Variants in TEKT5 observed in about 807,000 individuals in gnomAD.
The protein encoded by TEKT5 is tektin-5.
A neutral mutation model predicts 48.7 loss-of-function variants in TEKT5; 52 were observed. The observed-to-expected ratio is 1.07, with a 90% CI of 0.86 to 1.35. The LOEUF (loss-of-function observed/expected upper bound fraction) is 1.35. Among genes scored for constraint, TEKT5 ranks in the 40% most tolerant of loss-of-function variants. TEKT5 has a pLI of 0.00. For missense variants in TEKT5, 831 were observed against 641.6 expected, an observed-to-expected ratio of 1.30 and a Z score of -3.19; for synonymous variants, 318 against 267.6, an observed-to-expected ratio of 1.19 and a Z score of -1.84.
At chr16:10,689,894 C>G (rs370517764) in intron 2 of TEKT5, 48 bp downstream of exon 2, 20 of 1,593,430 alleles carry the variant, frequency 1.3e-5, no homozygotes, top group Middle Eastern at 1.7e-4. Flanking sequence ...GACCTGCTGG[C>G]CTTCCCGCCT....
At chr16:10,673,707 G>GGCT (rs2142298909) in intron 5 of TEKT5, among the ~76,000 whole-genome samples, 1 of 146,906 alleles carries the variant, frequency 6.8e-6, no homozygotes, top group Admixed American at 6.9e-5. Flanking sequence ...CTGGAGTGCA[G>GGCT]TGGTGAGATC....
chr16:10,650,746 G>C (rs1022966385), intron 5 of TEKT5, among the ~76,000 whole-genome samples: 8 of 152,030 alleles, frequency 5.3e-5, no homozygotes, highest in Non-Finnish European at 1.2e-4. Context: ...TCAGCCAGGC[G>C]TGGTGGTGTG....
intron 6 of TEKT5, among the ~76,000 whole-genome samples, chr16:10,634,519 T>C (rs1313662158): frequency 6.6e-6 from 1 of 152,166 alleles, no homozygotes; most frequent in Admixed American, 6.5e-5. Flanking sequence ...CCGGAAACCC[T>C]GTTAGTGCCC....
At chr16:10,653,378 G>A (rs12924612) in intron 5 of TEKT5, among the ~76,000 whole-genome samples, 8,286 of 152,302 alleles carry the variant, frequency 0.054, 349 homozygotes, top group East Asian at 0.19. Flanking sequence ...AGGCAAGACT[G>A]GGGAGCAGGA....
chr16:10,637,185 C>T (rs781564623), intron 5 of TEKT5, among the ~76,000 whole-genome samples: 2 of 151,546 alleles, frequency 1.3e-5, no homozygotes, highest in Admixed American at 6.6e-5. Flanking sequence ...GGGGTTTCAC[C>T]GTGTTACCCA....
intron 1 of TEKT5, 122 bp downstream of exon 1, chr16:10,694,188 A>G: frequency 2.3e-6 from 2 of 855,814 alleles, no homozygotes; most frequent in Non-Finnish European, 3.6e-6. Flanking sequence ...ATCGTATTCG[A>G]TGATGCAGCT....
intron 5 of TEKT5, among the ~76,000 whole-genome samples, chr16:10,636,434 G>A (rs1897914746): frequency 6.6e-6 from 1 of 151,704 alleles, no homozygotes; most frequent in Non-Finnish European, 1.5e-5. Flanking sequence ...TCTTGTCACC[G>A]GGGCACTGTG....
intron 5 of TEKT5, among the ~76,000 whole-genome samples, chr16:10,658,257 C>T (rs778490938): frequency 3.3e-5 from 5 of 152,124 alleles, no homozygotes; most frequent in Non-Finnish European, 5.9e-5. Flanking sequence ...CCAGGGATTC[C>T]GTTCCTGGGA....
chr16:10,628,128 G>T (rs1647339664), intron 6 of TEKT5, among the ~76,000 whole-genome samples: 2 of 152,136 alleles, frequency 1.3e-5, no homozygotes, highest in African/African-American at 4.8e-5. Context: ...TTACAAGCAT[G>T]AGCTATGGTG....
chr16:10,664,855 G>C (rs755863752), intron 5 of TEKT5, among the ~76,000 whole-genome samples: 6 of 152,128 alleles, frequency 3.9e-5, no homozygotes, highest in Admixed American at 3.9e-4. Flanking sequence ...CCATAGCTTT[G>C]TACTATTTTT....
chr16:10,640,661 T>C (rs1416143482), intron 5 of TEKT5, among the ~76,000 whole-genome samples: 1 of 152,190 alleles, frequency 6.6e-6, no homozygotes, highest in African/African-American at 2.4e-5. Flanking sequence ...TGATCATAGA[T>C]AAACACTTCT....
chr16:10,644,248 G>A (rs1319596720), intron 5 of TEKT5, among the ~76,000 whole-genome samples: 1 of 152,124 alleles, frequency 6.6e-6, no homozygotes, highest in African/African-American at 2.4e-5. Flanking sequence ...GTGAGAAAGT[G>A]AGTCAGTGAC....
intron 5 of TEKT5, among the ~76,000 whole-genome samples, chr16:10,654,933 T>A (rs865870726): frequency 6.1e-5 from 3 of 49,158 alleles, no homozygotes; most frequent in Admixed American, 2.4e-4. Flanking sequence ...CTCCCCCCCC[T>A]CCCCTCCCCC....
At chr16:10,644,889 G>T (rs1268084838) in intron 5 of TEKT5, among the ~76,000 whole-genome samples, 2 of 152,318 alleles carry the variant, frequency 1.3e-5, no homozygotes, top group African/African-American at 4.8e-5. Context: ...ATCTGTCCCA[G>T]TGTGCTGGAG....
intron 3 of TEKT5, among the ~76,000 whole-genome samples, chr16:10,682,690 T>C (rs1898778338): frequency 6.6e-6 from 1 of 152,200 alleles, no homozygotes; most frequent in African/African-American, 2.4e-5. Context: ...TGATAAATAA[T>C]TTAGGCTTTG....
chr16:10,651,627 C>G (rs1437542473), intron 5 of TEKT5, among the ~76,000 whole-genome samples: 1 of 152,198 alleles, frequency 6.6e-6, no homozygotes, highest in Non-Finnish European at 1.5e-5. Flanking sequence ...CACTGGCTCC[C>G]TGGATGGATA....
chr16:10,630,893 G>A (rs916701776), intron 6 of TEKT5, among the ~76,000 whole-genome samples: 2 of 151,606 alleles, frequency 1.3e-5, no homozygotes, highest in African/African-American at 2.4e-5. Context: ...GTGTCATGGT[G>A]CACACCTGTA....
At position 10,690,161 on chromosome 16, in the gene TEKT5, T is replaced by G. The variant is rs939045789; in HGVS notation, c.565-136A>C. 2.7e-4 allele frequency: 215 copies of G among 807,096 alleles called. 1 individual carries two copies. The highest frequency in any genetic ancestry group is 5.9e-5 in the Non-Finnish European group (30 of 508,990). 50.0% of individuals were successfully genotyped at this position (807,096 alleles called of 1,614,324 possible). Reference sequence around the variant, plus strand: ...TGGGTGCTTCATGTGACCTCACTACTGGGCATTGGATGGGCTTCTGCCTCC... The same window carrying G: ...TGGGTGCTTCATGTGACCTCACTACGGGGCATTGGATGGGCTTCTGCCTCC... On this transcript the variant is annotated intron_variant, in intron 1 of 6. Coordinates refer to ENST00000283025, the MANE Select transcript of TEKT5 (RefSeq NM_144674.2).
chr16:10,665,607 T>C (rs1330348173), intron 5 of TEKT5, among the ~76,000 whole-genome samples: 1 of 152,144 alleles, frequency 6.6e-6, no homozygotes, highest in African/African-American at 2.4e-5. Context: ...TGGCATAGTG[T>C]TCCCATGAAC....
Sources: allele counts gnomAD v4.1 joint callset (sites outside exome capture counted in the v4.1 genomes callset), GRCh38; gene constraint gnomAD v4.1.1; transcripts MANE v1.5; gene names NCBI Gene and HGNC (gene_info 2026-07-23, HGNC 2026-07-21).